Variants in HSP90AA1 observed in about 807,000 individuals in gnomAD.
HSP90AA1 encodes heat shock protein 90 alpha family class A member 1.
Under a neutral mutation model 73.3 loss-of-function variants are expected in HSP90AA1, and 18 were observed. That is an observed-to-expected ratio of 0.25 (90% CI 0.17 to 0.36). HSP90AA1 has a LOEUF of 0.36. Ranked by LOEUF, HSP90AA1 falls within the 10% of genes least tolerant of loss-of-function variation. The pLI, the probability that HSP90AA1 is intolerant of heterozygous loss-of-function variation, is 1.00. For synonymous variants in HSP90AA1, 477 were observed against 296.9 expected (o/e 1.61, Z -6.24); for missense variants, 704 against 874.2 (o/e 0.81, Z 2.45).
At chr14:102,114,976 T>TACA (rs921594644) in intron 1 of HSP90AA1, among the ~76,000 whole-genome samples, 3 of 151,946 alleles carry the variant, frequency 2.0e-5, no homozygotes, top group Admixed American at 6.6e-5. Flanking sequence ...CTACTAAAAA[T>TACA]ACAACAACAA....
At chr14:102,098,459 CTTTTTTTTTTTTT>C (rs55683551) in intron 2 of HSP90AA1, among the ~76,000 whole-genome samples, 1 of 75,464 alleles carries the variant, frequency 1.3e-5, no homozygotes. Flanking sequence ...TGCACCTGGC[CTTTTTTTTTTTTT>C]TTTTTTTTTT....
chr14:102,085,476 T>C (rs200335861), intron 3 of HSP90AA1, 45 bp from the exon 4 acceptor site: 83 of 1,549,768 alleles, frequency 5.4e-5, no homozygotes, highest in Non-Finnish European at 7.0e-5. Flanking sequence ...TTCAATTTAG[T>C]GCTCAACGCC....
upstream of HSP90AA1, chr14:102,087,269 C>CCG (rs1475264515): frequency 1.8e-6 from 1 of 552,892 alleles, no homozygotes; most frequent in East Asian, 1.5e-4. Context: ...TCAATCGCCG[C>CCG]CGCGCGCCTC....
chr14:102,117,377 T>C (rs1433768375), intron 1 of HSP90AA1, among the ~76,000 whole-genome samples: 2 of 152,094 alleles, frequency 1.3e-5, no homozygotes, highest in African/African-American at 2.4e-5. Context: ...TGGCCACCCA[T>C]GGACCAATCA....
At chr14:102,090,130 T>C (rs957922539), upstream of HSP90AA1, among the ~76,000 whole-genome samples, 2 of 152,218 alleles carry the variant, frequency 1.3e-5, no homozygotes, top group Non-Finnish European at 2.9e-5. Flanking sequence ...CCTATTTCTG[T>C]GTCTGGCGCA....
rs370584563 is a variant in HSP90AA1, at chr14:102,085,443, G to A, written c.530-12C>T. ...ACCCATAGGTTCACCTGCAAGAGAAGAAAGAAAAATTGACTTAATACATTC... is the reference window on the plus strand; with the variant it reads ...ACCCATAGGTTCACCTGCAAGAGAAAAAAGAAAAATTGACTTAATACATTC... On this transcript the variant is annotated splice_polypyrimidine_tract_variant and intron_variant, in intron 3 of 10. Transcript: ENST00000216281. 165 of 1,534,752 alleles carry A rather than the reference G, an allele frequency of 1.1e-4. 1 individual carries two copies. The Admixed American group carries it at 1.4e-3, about 13-fold the overall frequency.
At chr14:102,088,777 C>G (rs965701599), upstream of HSP90AA1, among the ~76,000 whole-genome samples, 4 of 152,204 alleles carry the variant, frequency 2.6e-5, no homozygotes, top group African/African-American at 9.7e-5. Context: ...TTCCTGTCAC[C>G]ACCAGCCACT....
upstream of HSP90AA1, among the ~76,000 whole-genome samples, chr14:102,088,378 C>A (rs2049299731): frequency 6.6e-6 from 1 of 152,178 alleles, no homozygotes; most frequent in Admixed American, 6.5e-5. Flanking sequence ...TCTGAAAGCT[C>A]CTTGCCGTGT....
At chr14:102,105,736 G>A (rs1158248306) in intron 1 of HSP90AA1, among the ~76,000 whole-genome samples, 1 of 152,088 alleles carries the variant, frequency 6.6e-6, no homozygotes, top group Non-Finnish European at 1.5e-5. Flanking sequence ...GGCTGTGTTT[G>A]GATTTGAGGG....
rs1011406654 is a variant in HSP90AA1 at position 102,085,754 on chromosome 14, C to T, written c.529+4G>A. 1.2e-6 allele frequency: 2 copies of T among 1,613,856 alleles called. No individual in the cohort carries two copies. The highest frequency in any genetic ancestry group is 1.6e-4 in the Middle Eastern group (1 of 6,078). On this transcript the variant is annotated splice_donor_region_variant and intron_variant, in intron 3 of 10. Transcript: ENST00000216281. ...ACTTAACCAGTGAATGTTCAGGTGC[C>T]TACCTGTGTCTGTCCTCACTGTGAA... is the stretch of plus-strand genomic sequence containing the variant.
At chr14:102,096,710 C>T (rs142276632) in intron 2 of HSP90AA1, among the ~76,000 whole-genome samples, 252 of 152,314 alleles carry the variant, frequency 1.7e-3, no homozygotes, top group African/African-American at 5.8e-3. Flanking sequence ...TGCTTTCCAG[C>T]GGGACCAAAT....
chr14:102,090,077 G>C (rs1448724238), upstream of HSP90AA1, among the ~76,000 whole-genome samples: 1 of 152,178 alleles, frequency 6.6e-6, no homozygotes, highest in Non-Finnish European at 1.5e-5. Flanking sequence ...AGGCCCTGCA[G>C]GTCGCTGCTG....
At chr14:102,124,545 T>TG (rs2049818731) in intron 1 of HSP90AA1, among the ~76,000 whole-genome samples, 1 of 152,056 alleles carries the variant, frequency 6.6e-6, no homozygotes. Flanking sequence ...TTTCTTTTTT[T>TG]CTTTTTTAGA....
intron 2 of HSP90AA1, among the ~76,000 whole-genome samples, chr14:102,100,907 G>T (rs1047635461): frequency 2.0e-5 from 3 of 152,170 alleles, no homozygotes; most frequent in Admixed American, 6.5e-5. Flanking sequence ...CTTCAAAGAC[G>T]TATAAACTCT....
chr14:102,083,019 G>T lies in HSP90AA1; in HGVS notation c.1755+15C>A. ...TTAGAAGTATCAATGATCAGGAAATGCTGTATTCACATACCTTTTCAACTT... is the reference window on the plus strand; with the variant it reads ...TTAGAAGTATCAATGATCAGGAAATTCTGTATTCACATACCTTTTCAACTT... On this transcript the variant is annotated intron_variant, in intron 9 of 10. Coordinates refer to ENST00000216281, the MANE Select transcript of HSP90AA1 (RefSeq NM_005348.4). 1 of 1,610,454 alleles carries T rather than the reference G, an allele frequency of 6.2e-7. No individual in the cohort carries two copies. Among genetic ancestry groups the T allele is most frequent in the Non-Finnish European group, 8.5e-7 (1 of 1,176,684 alleles).
chr14:102,111,635 T>C (rs2049643978), intron 1 of HSP90AA1, among the ~76,000 whole-genome samples: 1 of 152,242 alleles, frequency 6.6e-6, no homozygotes, highest in Non-Finnish European at 1.5e-5. Context: ...TGTCCCACAA[T>C]ATCTTTATTC....
chr14:102,089,831 C>A (rs2049329974), upstream of HSP90AA1, among the ~76,000 whole-genome samples: 1 of 152,166 alleles, frequency 6.6e-6, no homozygotes, highest in Non-Finnish European at 1.5e-5. Flanking sequence ...CCTCTTGAAC[C>A]CAGCCACTTC....
At chr14:102,139,455 C>G in exon 1 of HSP90AA1, 1 of 1,485,520 alleles carries the variant, frequency 6.7e-7, no homozygotes, top group South Asian at 1.3e-5. Flanking sequence ...CGGTGGCCGT[C>G]GGGGTGGCGC....
At chr14:102,107,479 C>G (rs1417363881) in intron 1 of HSP90AA1, among the ~76,000 whole-genome samples, 1 of 152,000 alleles carries the variant, frequency 6.6e-6, no homozygotes, top group Non-Finnish European at 1.5e-5. Flanking sequence ...TGCACGCCAC[C>G]ATGCCTAGCT....
Sources: allele counts gnomAD v4.1 joint callset (sites outside exome capture counted in the v4.1 genomes callset), GRCh38; gene constraint gnomAD v4.1.1; transcripts MANE v1.5; gene names NCBI Gene and HGNC (gene_info 2026-07-23, HGNC 2026-07-21).